Variants in WDR90 observed in about 807,000 individuals in gnomAD.
WDR90 encodes the protein WD repeat-containing protein 90.
A neutral mutation model predicts 195.2 loss-of-function variants in WDR90; 238 were observed. The ratio of observed to expected loss-of-function variants is 1.22; its 90% CI spans 1.10 to 1.36. WDR90 has a LOEUF of 1.36. WDR90 is among the 40% of genes most tolerant of loss of function. The pLI is 0.00. For missense variants in WDR90, 2,734 were observed against 2,439.5 expected (o/e 1.12, Z -2.54); for synonymous variants, 1,265 against 1,052.4 (o/e 1.20, Z -3.91).
intron 40 of WDR90, 60 bp from the exon 41 acceptor site, chr16:667,372 G>A: frequency 6.5e-7 from 1 of 1,545,734 alleles, no homozygotes; most frequent in Non-Finnish European, 8.7e-7. Flanking sequence ...GGTGGGTTGG[G>A]GGAGCCCTCT....
In WDR90 at chr16:667,696, G is replaced by A; in HGVS notation, c.*107G>A. The A allele has an allele frequency of 6.6e-7, 1 of 1,526,538 alleles. No individual in the cohort carries two copies. The highest frequency in any genetic ancestry group is 1.2e-5 in the South Asian group (1 of 85,976). The allele number at this position is 1,526,538 out of a possible 1,614,324, so 94.6% of individuals were successfully genotyped here. Reference sequence around the variant, plus strand: ...TGTCAATGGCCTCATGCTGGGACAGGCCAGGATTCACGTAAATCGCCTGGA... The same window carrying A: ...TGTCAATGGCCTCATGCTGGGACAGACCAGGATTCACGTAAATCGCCTGGA... On this transcript the variant is annotated 3_prime_UTR_variant, in exon 41 of 41. Transcript: ENST00000293879.
intron 10 of WDR90, among the ~76,000 whole-genome samples, chr16:652,906 G>A (rs568142651): frequency 1.1e-4 from 16 of 152,342 alleles, no homozygotes; most frequent in African/African-American, 3.4e-4. Context: ...CATGGGTGAC[G>A]TGGGCCTTCT....
chr16:661,218 C>T (rs760529436), intron 29 of WDR90, 46 bp downstream of exon 29: 11 of 1,516,422 alleles, frequency 7.3e-6, no homozygotes, highest in South Asian at 3.7e-5. Flanking sequence ...CCACCGTGCC[C>T]GGCAGAACCC....
At position 658,821 on chromosome 16, in the gene WDR90, C is replaced by T. The variant is rs549615576; in HGVS notation, c.2896-75C>T. On this transcript the variant is annotated intron_variant, in intron 23 of 40. Coordinates refer to ENST00000293879, the MANE Select transcript of WDR90 (RefSeq NM_145294.5). ...GGGCCTCACACTGTGTGGGGCTCAC[C>T]GTCCCTGGGGACTGGGCACACGGCA... is the stretch of plus-strand genomic sequence containing the variant. The T allele has an allele frequency of 1.4e-5, 22 of 1,582,068 alleles. No individual in the cohort carries two copies. The East Asian group carries it at 1.6e-4, about 11-fold the overall frequency.
At position 660,054 on chromosome 16, in the gene WDR90, C is replaced by T. The variant is rs1324142535; in HGVS notation, c.3185-4C>T. The stretch of plus-strand genomic sequence containing the variant: ...TGCCACAAGCTCTGCCTCCTCCCTG[C>T]CAGGCGCCAGGGACACCAGGAATTC... On this transcript the variant is annotated splice_polypyrimidine_tract_variant and splice_region_variant and intron_variant, in intron 26 of 40. Transcript: ENST00000293879. The T allele has an allele frequency of 1.9e-6, 3 of 1,539,180 alleles. No homozygotes were observed. Among genetic ancestry groups the T allele is most frequent in the East Asian group, 2.4e-5 (1 of 41,148 alleles).
In WDR90 at chr16:653,665, T is replaced by G. The variant is rs540431538; in HGVS notation, c.1374T>G (p.Ser458=). The G allele has an allele frequency of 3.3e-5, 54 of 1,613,454 alleles. 1 individual carries two copies. In the South Asian group the frequency reaches 3.8e-4, roughly 11 times the overall value. ...LFRSPMHVVC[S]LSFSDSGALL... ...GGAGCCCAATGCACGTTGTCTGCTC[T>G]CTCAGGTGAGCACAGGTCTGCCCCA... The change falls in exon 12 of 41, where the codon TCT becomes TCG. Residue 458 remains serine (S), a synonymous_variant. Transcript: ENST00000293879.
intron 28 of WDR90, 58 bp downstream of exon 28, chr16:660,772 C>T (rs2037879885): frequency 2.0e-6 from 3 of 1,498,184 alleles, no homozygotes; most frequent in Non-Finnish European, 2.7e-6. Flanking sequence ...CGTGGTCCAG[C>T]CGTCTCCACC....
Position 662,071 on chromosome 16 carries a change from G to A in WDR90, c.4033+12G>A, listed in dbSNP as rs543072855. 253 of 1,598,120 alleles carry A rather than the reference G, an allele frequency of 1.6e-4. 3 individuals are homozygous for A. In the South Asian group the frequency reaches 2.7e-3, roughly 17 times the overall value. ...TGACGGTGGCATTGGTGAGTGCCCC[G>A]CAGAAGCCCTGTGGCCCTCAGGACC... On this transcript the variant is annotated intron_variant, in intron 32 of 40. Transcript: ENST00000293879.
In WDR90 at chr16:649,802, G is replaced by T; in HGVS notation, c.50G>T (p.Arg17Leu). 11 of 1,578,732 alleles carry T rather than the reference G, an allele frequency of 7.0e-6. No individual in the cohort carries two copies. The highest frequency in any genetic ancestry group is 2.3e-5 in the South Asian group (2 of 87,046). The stretch of plus-strand genomic sequence containing the variant: ...TTCCTCAACGTCTTCAGACACTTCC[G>T]GGTGGACGAGTGGAAGCGCTCCGCC... ...HPFLNVFRHF[R>L]VDEWKRSAKQ... The change falls in exon 2 of 41, where the codon CGG becomes CTG. Residue 17 changes from arginine (R) to leucine (L), a missense_variant. Coordinates refer to ENST00000293879, the MANE Select transcript of WDR90 (RefSeq NM_145294.5).
intron 13 of WDR90, chr16:654,016 C>G (rs979277975): frequency 1.6e-6 from 1 of 625,206 alleles, no homozygotes; most frequent in African/African-American, 1.8e-5. Flanking sequence ...CACGTCTCGG[C>G]TTTTCGGCCA....
At position 659,021 on chromosome 16, in the gene WDR90, T is replaced by C; in HGVS notation, c.3011+10T>C. 6.2e-7 allele frequency: 1 copy of C among 1,613,134 alleles called. No individual in the cohort carries two copies. Among genetic ancestry groups the C allele is most frequent in the Non-Finnish European group, 8.5e-7 (1 of 1,179,870 alleles). ...TGGCCCCTACTGAGAGGCAAGTGCC[T>C]ACTCTCAGCTGTGTCTGCCTAGGCC... On this transcript the variant is annotated intron_variant, in intron 24 of 40. Transcript: ENST00000293879.
rs2037609048 is a variant in WDR90 at position 650,002 on chromosome 16, G to A, written c.114G>A (p.Leu38=). Residue 38 remains leucine (L), a synonymous_variant, in exon 3 of 41, where the codon CTG becomes CTA. Coordinates refer to ENST00000293879, the MANE Select transcript of WDR90 (RefSeq NM_145294.5). ...GDVAVVTDKT[L]KGAVYRIRGS... Reference sequence around the variant, plus strand: ...TCCCGCTTCTCCAGGACAAGACCCTGAAGGGCGCCGTGTATCGCATTCGGG... The same window carrying A: ...TCCCGCTTCTCCAGGACAAGACCCTAAAGGGCGCCGTGTATCGCATTCGGG... The A allele has an allele frequency of 2.5e-6, 4 of 1,612,642 alleles. No individual in the cohort carries two copies. Among genetic ancestry groups the A allele is most frequent in the Non-Finnish European group, 3.4e-6 (4 of 1,179,958 alleles).
chr16:649,503 T>G, intron 1 of WDR90, 77 bp downstream of exon 1: 9 of 1,276,024 alleles, frequency 7.1e-6, no homozygotes, highest in Non-Finnish European at 7.9e-6. Flanking sequence ...GCCGGAGCGC[T>G]CAGGGCCCCC....
Position 667,481 on chromosome 16 carries a change from T to C in WDR90, c.5139T>C (p.Phe1713=), listed in dbSNP as rs112503771. ...GTGCCATGGGGACTGCCCAAGACTT[T>C]GCCGGCCACGACAACGCAGTGCACC... ...VDCAMGTAQD[F]AGHDNAVHLC... The change falls in exon 41 of 41, where the codon TTT becomes TTC. Residue 1713 remains phenylalanine, a synonymous_variant. Transcript: ENST00000293879. 26 of 1,610,302 alleles carry C rather than the reference T, an allele frequency of 1.6e-5. No individual in the cohort carries two copies. Among genetic ancestry groups the C allele is most frequent in the Non-Finnish European group, 2.1e-5 (25 of 1,178,076 alleles).
chr16:666,069 G>C lies in WDR90; in HGVS notation c.4554G>C (p.Glu1518Asp), dbSNP rs1282123580. Reference protein sequence around the residue: ...RIFSVSRTAMELKMHPHPVAL... With the variant: ...RIFSVSRTAMDLKMHPHPVAL... Reference sequence around the variant, plus strand: ...TCAGCGTCTCCCGCACGGCCATGGAGCTCAAGATGCACCCCCACCCGGTGG... The same window carrying C: ...TCAGCGTCTCCCGCACGGCCATGGACCTCAAGATGCACCCCCACCCGGTGG... Residue 1518 changes from glutamate (E) to aspartate (D), a missense_variant, in exon 36 of 41, where the codon GAG becomes GAC. Transcript: ENST00000293879. The C allele has an allele frequency of 1.9e-6, 3 of 1,608,974 alleles. No individual in the cohort carries two copies. In the African/African-American group the frequency reaches 4.0e-5, roughly 21 times the overall value.
At chr16:651,795 C>G (rs779219399) in intron 8 of WDR90, 32 bp from the exon 9 acceptor site, 1 of 1,612,076 alleles carries the variant, frequency 6.2e-7, no homozygotes, top group Non-Finnish European at 8.5e-7. Context: ...TGTGATGGCC[C>G]AGGACGCTGA....
At chr16:657,606 A>T (rs1178172594) in intron 20 of WDR90, among the ~76,000 whole-genome samples, 156 bp from the exon 21 acceptor site, 1 of 152,150 alleles carries the variant, frequency 6.6e-6, no homozygotes, top group East Asian at 1.9e-4. Context: ...CCTGGCGCCC[A>T]CTGGCACCTT....
rs2151164501 is a variant in WDR90, at chr16:651,639, T to C, written c.737-5T>C. ...GGGTCACTGGGGTTCTTTGCTCTGTTCTAGTCCTCCTGGGGCCGGGGCCAC... is the reference window on the plus strand; with the variant it reads ...GGGTCACTGGGGTTCTTTGCTCTGTCCTAGTCCTCCTGGGGCCGGGGCCAC... On this transcript the variant is annotated splice_polypyrimidine_tract_variant and splice_region_variant and intron_variant, in intron 7 of 40. Transcript: ENST00000293879. 6.2e-7 allele frequency: 1 copy of C among 1,612,194 alleles called. No individual in the cohort carries two copies. Among genetic ancestry groups the C allele is most frequent in the Non-Finnish European group, 8.5e-7 (1 of 1,179,882 alleles).
intron 34 of WDR90, 139 bp downstream of exon 34, chr16:662,983 C>A: frequency 7.5e-7 from 1 of 1,336,676 alleles, no homozygotes; most frequent in Non-Finnish European, 1.0e-6. Context: ...GGGTTCCCAG[C>A]GGGGAAGTCT....
Sources: allele counts gnomAD v4.1 joint callset (sites outside exome capture counted in the v4.1 genomes callset), GRCh38; gene constraint gnomAD v4.1.1; transcripts MANE v1.5; gene names NCBI Gene and HGNC (gene_info 2026-07-23, HGNC 2026-07-21).